The following ASTN2 variants were observed in gnomAD, a reference collection of about 807,000 sequenced individuals.
The protein encoded by ASTN2 is astrotactin-2.
In ASTN2, 54 loss-of-function variants were observed where a neutral mutation model predicts 139.8. The observed-to-expected ratio is 0.39, with a 90% CI of 0.31 to 0.48. The LOEUF (loss-of-function observed/expected upper bound fraction) is 0.48, where lower values mean the gene tolerates loss of function less well. Among genes scored for constraint, ASTN2 ranks in the 20% least tolerant of loss-of-function variants. The pLI, the probability that ASTN2 is intolerant of heterozygous loss-of-function variation, is 0.95. For missense variants in ASTN2, 1,565 were observed against 1,725.1 expected (o/e 0.91, Z 1.64); for synonymous variants, 756 against 719.5 (o/e 1.05, Z -0.81).
chr9:116,798,939 T>G (rs536687298), intron 13 of ASTN2, among the ~76,000 whole-genome samples: 1 of 152,218 alleles, frequency 6.6e-6, no homozygotes, highest in South Asian at 2.1e-4. Flanking sequence ...GCATTCTGAC[T>G]GATACATTCA....
At chr9:117,203,210 C>T (rs1229918564) in intron 3 of ASTN2, among the ~76,000 whole-genome samples, 9 of 151,916 alleles carry the variant, frequency 5.9e-5, no homozygotes, top group Non-Finnish European at 8.8e-5. Flanking sequence ...CTTCTCTAAA[C>T]TGGTTACTCT....
chr9:117,206,864 T>C (rs1329492007), intron 3 of ASTN2, among the ~76,000 whole-genome samples: 1 of 152,166 alleles, frequency 6.6e-6, no homozygotes, highest in Non-Finnish European at 1.5e-5. Context: ...TGCATGCCTA[T>C]GCACAGGACC....
At chr9:116,900,289 T>G (rs1253784380) in intron 10 of ASTN2, among the ~76,000 whole-genome samples, 1 of 152,164 alleles carries the variant, frequency 6.6e-6, no homozygotes, top group Non-Finnish European at 1.5e-5. Context: ...ATAGCAACCC[T>G]GACAACTAAG....
intron 13 of ASTN2, among the ~76,000 whole-genome samples, chr9:116,737,043 G>C (rs115197167): frequency 0.016 from 2,510 of 152,282 alleles, 74 homozygotes; most frequent in African/African-American, 0.057. Flanking sequence ...GGGACTTGGA[G>C]AAATGCAGAA....
At chr9:116,748,193 A>G (rs756141902) in intron 13 of ASTN2, among the ~76,000 whole-genome samples, 3 of 152,250 alleles carry the variant, frequency 2.0e-5, no homozygotes, top group Admixed American at 6.5e-5. Flanking sequence ...CAGATGCTAT[A>G]AATGAGATTC....
At chr9:116,953,488 G>T (rs1174013740) in intron 10 of ASTN2, among the ~76,000 whole-genome samples, 1 of 152,134 alleles carries the variant, frequency 6.6e-6, no homozygotes, top group Non-Finnish European at 1.5e-5. Flanking sequence ...AACCCAGAAT[G>T]AGACACTCAT....
intron 19 of ASTN2, among the ~76,000 whole-genome samples, chr9:116,609,320 C>CTA (rs1287718877): frequency 0.01 from 1,263 of 120,588 alleles, 12 homozygotes; most frequent in African/African-American, 0.016. Flanking sequence ...CTCTCTCTCT[C>CTA]TCTCTCTCTA....
At chr9:116,529,754 G>A (rs55904938) in intron 19 of ASTN2, among the ~76,000 whole-genome samples, 21,661 of 151,852 alleles carry the variant, frequency 0.14, 1,674 homozygotes, top group Middle Eastern at 0.2. Context: ...AGATCTTATC[G>A]TTTAAAAGTG....
intron 1 of ASTN2, among the ~76,000 whole-genome samples, chr9:117,299,447 A>G (rs548752543): frequency 6.6e-6 from 1 of 152,320 alleles, no homozygotes; most frequent in African/African-American, 2.4e-5. Context: ...GCTGGATCTA[A>G]AAACTCTTCA....
intron 19 of ASTN2, among the ~76,000 whole-genome samples, chr9:116,562,810 T>C (rs1852985111): frequency 6.7e-6 from 1 of 149,864 alleles, no homozygotes; most frequent in South Asian, 2.1e-4. Flanking sequence ...AAATGAAGGA[T>C]GAAGAGGCAC....
At chr9:116,882,709 C>A (rs956190119) in intron 10 of ASTN2, among the ~76,000 whole-genome samples, 2 of 152,114 alleles carry the variant, frequency 1.3e-5, no homozygotes, top group Non-Finnish European at 2.9e-5. Flanking sequence ...CTCCTATGAT[C>A]CCAGCACTCT....
intron 3 of ASTN2, among the ~76,000 whole-genome samples, chr9:117,163,040 CAG>C (rs1830588374): frequency 6.6e-6 from 1 of 152,032 alleles, no homozygotes; most frequent in East Asian, 1.9e-4. Context: ...ATGAAAATGC[CAG>C]TCAACCTTTC....
intron 16 of ASTN2, among the ~76,000 whole-genome samples, chr9:116,659,320 A>G (rs556265700): frequency 6.6e-6 from 1 of 152,326 alleles, no homozygotes; most frequent in South Asian, 2.1e-4. Context: ...GATATCATGT[A>G]GACAGTCTGC....
chr9:116,663,284 C>T (rs1858669698), intron 16 of ASTN2, among the ~76,000 whole-genome samples: 1 of 152,150 alleles, frequency 6.6e-6, no homozygotes, highest in South Asian at 2.1e-4. Flanking sequence ...ACAAGGTATA[C>T]CAGCCCACCT....
chr9:117,328,513 C>A (rs961003081), intron 1 of ASTN2, among the ~76,000 whole-genome samples: 2 of 152,140 alleles, frequency 1.3e-5, no homozygotes, highest in African/African-American at 2.4e-5. Flanking sequence ...TGTGTCCTGC[C>A]ACTTTCATTA....
rs767488916 is a variant in ASTN2, at chr9:116,709,827, G to T, written c.2806+15944C>A. On this transcript the variant is annotated intron_variant, in intron 16 of 22. Transcript: ENST00000313400. Reference sequence around the variant, plus strand: ...TACATAATATTGGGCTCTTGTACAAGGCATTTAATGGAACTTTCACCTCCC... The same window carrying T: ...TACATAATATTGGGCTCTTGTACAATGCATTTAATGGAACTTTCACCTCCC... 5.3e-5 allele frequency among the ~76,000 whole-genome samples: 8 copies of T among 152,262 alleles called. No homozygotes were observed. In the South Asian group the frequency reaches 1.0e-3, roughly 20 times the overall value.
chr9:116,950,796 A>T (rs1437123581), intron 10 of ASTN2, among the ~76,000 whole-genome samples: 1 of 152,196 alleles, frequency 6.6e-6, no homozygotes, highest in African/African-American at 2.4e-5. Context: ...GCCATAGTAC[A>T]TGCCAGATCT....
At chr9:117,292,523 G>A (rs879836208) in intron 1 of ASTN2, among the ~76,000 whole-genome samples, 2 of 152,058 alleles carry the variant, frequency 1.3e-5, no homozygotes, top group Admixed American at 6.5e-5. Flanking sequence ...TTTCTTGGAG[G>A]ATTATTAGGT....
chr9:117,038,350 C>T (rs2132645434), intron 6 of ASTN2, among the ~76,000 whole-genome samples: 1 of 152,162 alleles, frequency 6.6e-6, no homozygotes, highest in Non-Finnish European at 1.5e-5. Context: ...TAATATGGTG[C>T]TACAAGTCAG....
Sources: gnomAD v4.1 joint callset for allele counts (sites outside exome capture counted in the v4.1 genomes callset) on GRCh38, gnomAD v4.1.1 for gene constraint, MANE v1.5 for transcripts, NCBI Gene and HGNC (gene_info 2026-07-23, HGNC 2026-07-21) for gene names.